Variants in FOXK1 observed in about 807,000 individuals in gnomAD.
FOXK1 encodes forkhead box protein K1.
FOXK1 carries 19 observed loss-of-function variants against 51.9 expected under a neutral mutation model. That is an observed-to-expected ratio of 0.37 (90% CI 0.26 to 0.54). The LOEUF is 0.54. Among genes scored for constraint, FOXK1 ranks in the 20% least tolerant of loss-of-function variants. The pLI, the probability that FOXK1 is intolerant of heterozygous loss-of-function variation, is 0.87. For missense variants in FOXK1, 870 were observed against 1,032.7 expected (o/e 0.84, Z 2.16); for synonymous variants, 537 against 482.6 (o/e 1.11, Z -1.48).
Position 4,723,884 on chromosome 7 carries a change from C to T in FOXK1, c.561-16954C>T, listed in dbSNP as rs561811461. Among the ~76,000 whole-genome samples the T allele has an allele frequency of 3.9e-5, 6 of 152,206 alleles. No homozygotes were observed. Among genetic ancestry groups the T allele is most frequent in the African/African-American group, 4.8e-5 (2 of 41,520 alleles). ...GGGGATCTCACTATGTTGCCCAGGC[C>T]GGTCTCGACCTCCTAGGCTCAAGCG... On this transcript the variant is annotated intron_variant, in intron 1 of 8. Coordinates refer to ENST00000328914, the MANE Select transcript of FOXK1 (RefSeq NM_001037165.2). This position sits in a 1 kb window ranked among gnomAD's most constrained non-coding sequence, Gnocchi z 4.7.
chr7:4,730,201 G>A lies in FOXK1; in HGVS notation c.561-10637G>A, dbSNP rs1780432260. Among the ~76,000 whole-genome samples, 1 of 152,160 alleles carries A rather than the reference G, an allele frequency of 6.6e-6. No homozygotes were observed. The highest frequency in any genetic ancestry group is 1.5e-5 in the Non-Finnish European group (1 of 68,024). ...CAAATTAGGCCCTATGAACGCATAA[G>A]AACTTATAAACACTAAAACTGCTAC... On this transcript the variant is annotated intron_variant, in intron 1 of 8. Transcript: ENST00000328914. The surrounding 1 kb of genome is among the most constrained non-coding windows in gnomAD (Gnocchi z 4.7).
At position 4,756,891 on chromosome 7, in the gene FOXK1, C is replaced by T. The variant is rs879773153; in HGVS notation, c.1051-103C>T. On this transcript the variant is annotated intron_variant, in intron 4 of 8. Coordinates refer to ENST00000328914, the MANE Select transcript of FOXK1 (RefSeq NM_001037165.2). This position sits in a 1 kb window ranked among gnomAD's most constrained non-coding sequence, Gnocchi z 4.1. ...GCACCAAGGGCTCTGCACAGAGGGA[C>T]GGCCTCCCCTCACCCTGGTCCCGCA... 5.6e-5 allele frequency: 71 copies of T among 1,273,172 alleles called. No individual in the cohort carries two copies. Among genetic ancestry groups the T allele is most frequent in the East Asian group, 3.3e-4 (14 of 42,366 alleles). The allele number at this position is 1,273,172 out of a possible 1,614,324, so 78.9% of individuals were successfully genotyped here.
At chr7:4,684,485 G>A (rs766001016) in intron 1 of FOXK1, among the ~76,000 whole-genome samples, 7 of 152,162 alleles carry the variant, frequency 4.6e-5, no homozygotes, top group South Asian at 2.1e-4. Flanking sequence ...TTTTCTAACC[G>A]TGCTGAAAGG....
At position 4,731,422 on chromosome 7, in the gene FOXK1, C is replaced by T. The variant is rs1039825145; in HGVS notation, c.561-9416C>T. On this transcript the variant is annotated intron_variant, in intron 1 of 8. Transcript: ENST00000328914. The surrounding 1 kb of genome is among the most constrained non-coding windows in gnomAD (Gnocchi z 5.3). ...TTTTGCCTCCCATTCTTGAGTCTTT[C>T]ATTTCTTCAAGGACATGGTAGCAAC... 1.3e-5 allele frequency among the ~76,000 whole-genome samples: 2 copies of T among 152,208 alleles called. No individual in the cohort carries two copies. The highest frequency in any genetic ancestry group is 6.5e-5 in the Admixed American group (1 of 15,280).
intron 1 of FOXK1, among the ~76,000 whole-genome samples, chr7:4,720,126 A>G (rs902162842): frequency 6.6e-6 from 1 of 152,034 alleles, no homozygotes; most frequent in African/African-American, 2.4e-5. Context: ...TTTTTCCCTC[A>G]TTGGTTTCTC....
rs2115086224 is a variant in FOXK1, at chr7:4,770,867, GTGTGTGTGTGTGTGTGT to G, written c.*8404_*8420del. The G allele has an allele frequency of 3.0e-5, 1 of 33,492 alleles. No homozygotes were observed. The highest frequency in any genetic ancestry group is 7.5e-5 in the African/African-American group (1 of 13,324). 2.1% of individuals were successfully genotyped at this position (33,492 alleles called of 1,614,324 possible). ...TTGGGAGGGGCGGGTGTTGTTCGGTGTGTGTGTGTGTGTGTGTGTGTGTGTGTGTGTGTGTATTTTTT... is the reference window on the plus strand; with the variant it reads ...TTGGGAGGGGCGGGTGTTGTTCGGTGGTGTGTGTGTGTGTGTGTATTTTTT... On this transcript the variant is annotated 3_prime_UTR_variant, in exon 9 of 9. Coordinates refer to ENST00000328914, the MANE Select transcript of FOXK1 (RefSeq NM_001037165.2).
At chr7:4,685,052 G>T (rs913930796) in intron 1 of FOXK1, among the ~76,000 whole-genome samples, 2 of 151,886 alleles carry the variant, frequency 1.3e-5, no homozygotes, top group Non-Finnish European at 2.9e-5. Context: ...TTAGATGTGC[G>T]TGAAGTGCTT....
chr7:4,743,135 G>A lies in FOXK1; in HGVS notation c.746+2112G>A, dbSNP rs564507146. ...GTGACTGAGAGCCTGGTGTGTGCCC[G>A]CCTGGCCCTGTGCTGAGCAGTGCAC... On this transcript the variant is annotated intron_variant, in intron 2 of 8. Transcript: ENST00000328914. This position sits in a 1 kb window ranked among gnomAD's most constrained non-coding sequence, Gnocchi z 5.3. Among the ~76,000 whole-genome samples the A allele has an allele frequency of 3.9e-5, 6 of 152,368 alleles. No homozygotes were observed. In the South Asian group the frequency reaches 6.2e-4, roughly 16 times the overall value.
chr7:4,702,128 A>G (rs754736808), intron 1 of FOXK1, among the ~76,000 whole-genome samples: 7 of 152,064 alleles, frequency 4.6e-5, no homozygotes, highest in South Asian at 2.1e-4. Context: ...TGTACCCACT[A>G]AGAATCCGTG....
intron 1 of FOXK1, among the ~76,000 whole-genome samples, chr7:4,719,592 C>G (rs141312100): frequency 0.011 from 1,661 of 152,320 alleles, 19 homozygotes; most frequent in Non-Finnish European, 0.012. Flanking sequence ...AGCAATTCTC[C>G]TGCCTCAGCT....
rs2115082451 is a variant in FOXK1 at position 4,767,113 on chromosome 7, G to A, written c.*4649G>A. ...GCCTCACATTCTGCTTTGCCCTTGA[G>A]TGACTTCATGCGGGATGAGGAACTG... On this transcript the variant is annotated 3_prime_UTR_variant, in exon 9 of 9. Coordinates refer to ENST00000328914, the MANE Select transcript of FOXK1 (RefSeq NM_001037165.2). This position sits in a 1 kb window ranked among gnomAD's most constrained non-coding sequence, Gnocchi z 6.6. 1 of 152,340 alleles carries A rather than the reference G, an allele frequency of 6.6e-6. No homozygotes were observed. Among genetic ancestry groups the A allele is most frequent in the African/African-American group, 2.4e-5 (1 of 41,566 alleles). The allele number at this position is 152,340 out of a possible 1,614,324, so 9.4% of individuals were successfully genotyped here. A position where few individuals can be genotyped will look rare whatever the true frequency, so the allele number is the denominator to read the frequency against.
chr7:4,722,439 C>T lies in FOXK1; in HGVS notation c.561-18399C>T, dbSNP rs574814851. On this transcript the variant is annotated intron_variant, in intron 1 of 8. Coordinates refer to ENST00000328914, the MANE Select transcript of FOXK1 (RefSeq NM_001037165.2). This position sits in a 1 kb window ranked among gnomAD's most constrained non-coding sequence, Gnocchi z 5.1. ...CTGAGATCCTGGCCAGAGGAGGTCC[C>T]GTGGCCAAGTGGCAGCGGTGCCGGA... Among the ~76,000 whole-genome samples, 6 of 152,322 alleles carry T rather than the reference C, an allele frequency of 3.9e-5. No individual in the cohort carries two copies. The highest frequency in any genetic ancestry group is 3.9e-4 in the East Asian group (2 of 5,180).
intron 1 of FOXK1, among the ~76,000 whole-genome samples, chr7:4,690,383 C>T (rs1033347507): frequency 1.3e-5 from 2 of 152,204 alleles, no homozygotes; most frequent in Non-Finnish European, 1.5e-5. Flanking sequence ...TAGTGTTTTG[C>T]TAGTTGGCAG....
Position 4,747,241 on chromosome 7 carries a change from C to T in FOXK1, c.746+6218C>T, listed in dbSNP as rs73050334. Among the ~76,000 whole-genome samples, 13,854 of 152,150 alleles carry T rather than the reference C, an allele frequency of 0.091. 860 individuals are homozygous for T. The highest frequency in any genetic ancestry group is 0.18 in the Middle Eastern group (52 of 294). On this transcript the variant is annotated intron_variant, in intron 2 of 8. Coordinates refer to ENST00000328914, the MANE Select transcript of FOXK1 (RefSeq NM_001037165.2). This position sits in a 1 kb window ranked among gnomAD's most constrained non-coding sequence, Gnocchi z 9.2. ...GCCTGTTGCATGGCTTCTGTGCGGG[C>T]ATGTTACGCACGAGGACAGCCCTTT...
In FOXK1 at chr7:4,755,472, G is replaced by A. The variant is rs1235630148; in HGVS notation, c.1050+89G>A. ...ATATTGCTTCCCTTAAAACAGAAGA[G>A]GGCCAGTGAGGGGGCTCACGCCTGG... On this transcript the variant is annotated intron_variant, in intron 4 of 8. Transcript: ENST00000328914. The surrounding 1 kb of genome is among the most constrained non-coding windows in gnomAD (Gnocchi z 6.6). 3.3e-6 allele frequency: 5 copies of A among 1,520,902 alleles called. No homozygotes were observed. The highest frequency in any genetic ancestry group is 4.4e-6 in the Non-Finnish European group (5 of 1,124,772). 94.2% of individuals were successfully genotyped at this position (1,520,902 alleles called of 1,614,324 possible).
chr7:4,721,589 C>CTTTTTTTTTTTTTTTTTTTTTTTTTTTT (rs200132324), intron 1 of FOXK1, among the ~76,000 whole-genome samples: 1 of 112,656 alleles, frequency 8.9e-6, no homozygotes, highest in African/African-American at 3.9e-5. Flanking sequence ...TCTTTTTTTT[C>CTTTTTTTTTTTTTTTTTTTTTTTTTTTT]TTTTTTTTTT....
In FOXK1 at chr7:4,754,591, C is replaced by G. The variant is rs752301458; in HGVS notation, c.879C>G (p.Asp293Glu). Residue 293 changes from aspartate to glutamate, a missense_variant, in exon 3 of 9, where the codon GAC becomes GAG. Coordinates refer to ENST00000328914, the MANE Select transcript of FOXK1 (RefSeq NM_001037165.2). ...AAKAASEQQA[D>E]TSGGDSPKDE... ...AGGCCGCGTCGGAGCAGCAGGCAGA[C>G]ACGTCTGGAGGAGACAGCCCCAAGG... 4 of 1,606,254 alleles carry G rather than the reference C, an allele frequency of 2.5e-6. No homozygotes were observed. In the East Asian group the frequency reaches 6.7e-5, roughly 27 times the overall value.
chr7:4,707,807 C>T lies in FOXK1; in HGVS notation c.560+24939C>T, dbSNP rs573563517. Reference sequence around the variant, plus strand: ...TCAAGCAATTCTCCTACCTCAGCCCCCCAAGTAGCTGGGATGATAGGGCCC... The same window carrying T: ...TCAAGCAATTCTCCTACCTCAGCCCTCCAAGTAGCTGGGATGATAGGGCCC... On this transcript the variant is annotated intron_variant, in intron 1 of 8. Coordinates refer to ENST00000328914, the MANE Select transcript of FOXK1 (RefSeq NM_001037165.2). This position sits in a 1 kb window ranked among gnomAD's most constrained non-coding sequence, Gnocchi z 4.1. Among the ~76,000 whole-genome samples, 1 of 152,058 alleles carries T rather than the reference C, an allele frequency of 6.6e-6. No homozygotes were observed. Among genetic ancestry groups the T allele is most frequent in the African/African-American group, 2.4e-5 (1 of 41,406 alleles).
chr7:4,736,922 A>T (rs921282002), intron 1 of FOXK1, among the ~76,000 whole-genome samples: 2 of 152,138 alleles, frequency 1.3e-5, no homozygotes, highest in East Asian at 3.9e-4. Flanking sequence ...TGAAAGGGAG[A>T]AGTCAAGCCT....
Sources: allele counts gnomAD v4.1 joint callset (sites outside exome capture counted in the v4.1 genomes callset), GRCh38; gene constraint gnomAD v4.1.1; non-coding constraint Gnocchi (gnomAD v3.1); transcripts MANE v1.5; gene names NCBI Gene and HGNC (gene_info 2026-07-23, HGNC 2026-07-21).